EXPH5: variants seen among roughly 807,000 people sequenced by gnomAD.
EXPH5 encodes the protein exophilin 5, also known as exophilin-5.
Under a neutral mutation model 41.1 loss-of-function variants are expected in EXPH5, and 42 were observed. That is an observed-to-expected ratio of 1.02 (90% CI 0.80 to 1.32). The LOEUF is 1.32. EXPH5 is among the 40% of genes most tolerant of loss of function. The pLI, the probability that EXPH5 is intolerant of heterozygous loss-of-function variation, is 0.00. For missense variants in EXPH5, 2,298 were observed against 2,314.5 expected (o/e 0.99, Z 0.15); for synonymous variants, 798 against 833.5 (o/e 0.96, Z 0.73).
At chr11:108,566,089 T>C (rs993681481) in intron 1 of EXPH5, among the ~76,000 whole-genome samples, 1 of 152,248 alleles carries the variant, frequency 6.6e-6, no homozygotes, top group African/African-American at 2.4e-5. Context: ...GTAGCTATGA[T>C]ACAACACAGG....
rs200183060 is a variant in EXPH5 at position 108,519,180 on chromosome 11, GTATT to G, written c.493-811_493-808del. On this transcript the variant is annotated intron_variant, in intron 4 of 5. Transcript: ENST00000265843. ...AACCCTCTCTTGGGGTCTGGATCCA[GTATT>G]ACTTTTCTGGTAATATCTTCCTGGC... Among the ~76,000 whole-genome samples the G allele has an allele frequency of 6.7e-3, 1,022 of 152,220 alleles. 9 individuals carry two copies. The highest frequency in any genetic ancestry group is 0.023 in the African/African-American group (970 of 41,540).
At chr11:108,593,363 C>G in intron 1 of EXPH5, 55 bp downstream of exon 1, 1 of 1,506,604 alleles carries the variant, frequency 6.6e-7, no homozygotes, top group Non-Finnish European at 9.2e-7. Flanking sequence ...CCCCGCGGAT[C>G]CCCGGCCCCT....
intron 3 of EXPH5, among the ~76,000 whole-genome samples, chr11:108,534,583 C>T (rs551343879): frequency 6.6e-6 from 1 of 152,184 alleles, no homozygotes; most frequent in African/African-American, 2.4e-5. Context: ...TTCTTAATTG[C>T]CTGGCTTAGT....
At chr11:108,607,278 A>T in the EXPH5 span, among the ~76,000 whole-genome samples, 1 of 152,234 alleles carries the variant, frequency 6.6e-6, no homozygotes, top group Non-Finnish European at 1.5e-5. Flanking sequence ...CAAGAATAAG[A>T]ATTATTTTTC....
chr11:108,561,843 C>T (rs1421986933), intron 1 of EXPH5, among the ~76,000 whole-genome samples: 1 of 152,144 alleles, frequency 6.6e-6, no homozygotes, highest in Non-Finnish European at 1.5e-5. Flanking sequence ...CAGGAGGAAG[C>T]TATGGGGCAG....
intron 1 of EXPH5, among the ~76,000 whole-genome samples, chr11:108,580,542 C>G (rs1210783278): frequency 6.6e-6 from 1 of 152,160 alleles, no homozygotes; most frequent in Admixed American, 6.5e-5. Context: ...TATGATCCAG[C>G]AATTCCACTG....
upstream of EXPH5, among the ~76,000 whole-genome samples, chr11:108,594,008 T>C (rs199533664): frequency 1.3e-5 from 2 of 152,222 alleles, no homozygotes; most frequent in African/African-American, 4.8e-5. Context: ...TGCTGTTTGC[T>C]CGCAGAACTT....
chr11:108,506,951 A>G lies in EXPH5; in HGVS notation c.*2586T>C, dbSNP rs2093647384. 6.6e-6 allele frequency: 1 copy of G among 152,180 alleles called. No homozygotes were observed. The highest frequency in any genetic ancestry group is 1.5e-5 in the Non-Finnish European group (1 of 68,052). 9.4% of individuals were successfully genotyped at this position (152,180 alleles called of 1,614,324 possible). ...GGTTGCAGTGAGCCGAGATTGCGCC[A>G]TTGCACTCCAGCCTGGGCAACAGAG... On this transcript the variant is annotated 3_prime_UTR_variant, in exon 6 of 6. Transcript: ENST00000265843.
intron 1 of EXPH5, among the ~76,000 whole-genome samples, chr11:108,559,715 T>C (rs944016615): frequency 6.6e-6 from 1 of 152,200 alleles, no homozygotes; most frequent in African/African-American, 2.4e-5. Context: ...AATTTAATTC[T>C]TATTCTTGGA....
At chr11:108,603,625 G>A in the EXPH5 span, among the ~76,000 whole-genome samples, 1 of 152,214 alleles carries the variant, frequency 6.6e-6, no homozygotes, top group African/African-American at 2.4e-5. Context: ...TACAAGCTCA[G>A]TACATTAAGC....
At position 108,506,209 on chromosome 11, in the gene EXPH5, T is replaced by C. The variant is rs910547563; in HGVS notation, c.*3328A>G. On this transcript the variant is annotated 3_prime_UTR_variant, in exon 6 of 6. Transcript: ENST00000265843. ...TAAAAATGACTATTATAAGTTACCA[T>C]AGCTATACCAAAAATGAACATTAAA... The C allele has an allele frequency of 6.6e-6, 1 of 152,194 alleles. No individual in the cohort carries two copies. The highest frequency in any genetic ancestry group is 6.5e-5 in the Admixed American group (1 of 15,284). The allele number at this position is 152,194 out of a possible 1,614,324, so 9.4% of individuals were successfully genotyped here.
At chr11:108,558,830 A>G (rs2136074231) in intron 1 of EXPH5, among the ~76,000 whole-genome samples, 1 of 152,354 alleles carries the variant, frequency 6.6e-6, no homozygotes, top group African/African-American at 2.4e-5. Context: ...TTCATGTGAC[A>G]GCTATGATGC....
chr11:108,593,463 A>G lies in EXPH5; in HGVS notation c.74T>C (p.Leu25Pro), dbSNP rs1420486113. 2 of 1,614,132 alleles carry G rather than the reference A, an allele frequency of 1.2e-6. No individual in the cohort carries two copies. Among genetic ancestry groups the G allele is most frequent in the Admixed American group, 1.7e-5 (1 of 60,016 alleles). The change falls in exon 1 of 6, where the codon CTG becomes CCG. Residue 25 changes from leucine (L) to proline (P), a missense_variant. Transcript: ENST00000265843. ...CCTCTGTAACTCCTCATTCCTTTCC[A>G]GCACCTGAAGGATCTTCCTGGCCTC... ...DEEARKILQVLERNEELQRAE... is the reference protein window; with the variant it reads ...DEEARKILQVPERNEELQRAE...
At chr11:108,568,458 C>T (rs1013600871) in intron 1 of EXPH5, among the ~76,000 whole-genome samples, 5 of 152,164 alleles carry the variant, frequency 3.3e-5, no homozygotes, top group African/African-American at 9.6e-5. Flanking sequence ...AGCCGAGGAA[C>T]AAGTTCCAAG....
chr11:108,593,130 C>G (rs2094131880), intron 1 of EXPH5, among the ~76,000 whole-genome samples: 1 of 152,240 alleles, frequency 6.6e-6, no homozygotes, highest in Non-Finnish European at 1.5e-5. Context: ...CACAGCACAG[C>G]GTCACTGCGC....
At chr11:108,579,200 G>GT (rs77468046) in intron 1 of EXPH5, among the ~76,000 whole-genome samples, 2,757 of 144,938 alleles carry the variant, frequency 0.019, 71 homozygotes, top group African/African-American at 0.056. Context: ...TTTGTTGAGA[G>GT]TTTTTTTTTT....
chr11:108,528,056 A>T, intron 4 of EXPH5, 80 bp downstream of exon 4: 1 of 841,788 alleles, frequency 1.2e-6, no homozygotes, highest in Non-Finnish European at 2.0e-6. Context: ...CGAGGGGAAT[A>T]CTACTGAAAT....
At chr11:108,539,328 G>T in intron 2 of EXPH5, 142 bp from the exon 3 acceptor site, 1 of 592,210 alleles carries the variant, frequency 1.7e-6, no homozygotes, top group Non-Finnish European at 2.9e-6. Flanking sequence ...GAAGACCTCA[G>T]GGATTAAGGC....
intron 1 of EXPH5, among the ~76,000 whole-genome samples, chr11:108,549,822 G>T (rs1413990741): frequency 6.8e-6 from 1 of 148,094 alleles, no homozygotes; most frequent in Non-Finnish European, 1.5e-5. Flanking sequence ...TGTGTAGATT[G>T]TTTGCAAAGA....
Sources: allele counts gnomAD v4.1 joint callset (sites outside exome capture counted in the v4.1 genomes callset), GRCh38; gene constraint gnomAD v4.1.1; transcripts MANE v1.5; gene names NCBI Gene and HGNC (gene_info 2026-07-23, HGNC 2026-07-21).